The following LRIF1 variants were observed in gnomAD, a reference collection of about 807,000 sequenced individuals.
The protein encoded by LRIF1 is ligand dependent nuclear receptor interacting factor 1, also known as ligand-dependent nuclear receptor-interacting factor 1.
Under a neutral mutation model 52.7 loss-of-function variants are expected in LRIF1, and 32 were observed. The observed-to-expected ratio is 0.61, with a 90% CI of 0.46 to 0.82. The LOEUF (loss-of-function observed/expected upper bound fraction) is 0.82. LRIF1 is among the 40% of genes least tolerant of loss of function. LRIF1 has a pLI of 0.00. For synonymous variants in LRIF1, 323 were observed against 317.4 expected (o/e 1.02, Z -0.19); for missense variants, 887 against 892.0 (o/e 0.99, Z 0.07).
the LRIF1 span, among the ~76,000 whole-genome samples, chr1:110,888,174 G>A: frequency 8.5e-4 from 130 of 152,304 alleles, no homozygotes; most frequent in Non-Finnish European, 1.6e-3. Context: ...CAACCTGAAT[G>A]TATACTTCTG....
At chr1:110,917,329 T>C in the LRIF1 span, among the ~76,000 whole-genome samples, 10 of 152,220 alleles carry the variant, frequency 6.6e-5, no homozygotes, top group African/African-American at 2.4e-4. Flanking sequence ...CCCTGCAGAC[T>C]TCCAGCTCTA....
Position 110,958,260 on chromosome 1 carries a change from T to G in LRIF1, c.68+5361A>C, listed in dbSNP as rs992547428. 1.1e-4 allele frequency among the ~76,000 whole-genome samples: 16 copies of G among 152,380 alleles called. No individual in the cohort carries two copies. The South Asian group carries it at 3.1e-3, about 30-fold the overall frequency. ...AATATGCCATGTATATTACATTATT[T>G]ACTCAAAGTATTATTATTTTTCTTC... On this transcript the variant is annotated intron_variant, in intron 1 of 3. Transcript: ENST00000369763.
At chr1:110,962,095 CAAAGT>C (rs1332667904) in intron 1 of LRIF1, among the ~76,000 whole-genome samples, 3 of 151,092 alleles carry the variant, frequency 2.0e-5, no homozygotes, top group Non-Finnish European at 3.0e-5. Flanking sequence ...CACACACACA[CAAAGT>C]AAAGTTGTTT....
chr1:110,891,757 G>C, the LRIF1 span, among the ~76,000 whole-genome samples: 1 of 152,196 alleles, frequency 6.6e-6, no homozygotes, highest in Non-Finnish European at 1.5e-5. Flanking sequence ...TGAGAAACCT[G>C]AGACTGTGCT....
In LRIF1 at chr1:110,949,917, G is replaced by A. The variant is rs140132223; in HGVS notation, c.1803C>T (p.Ser601=). The A allele has an allele frequency of 7.2e-5, 116 of 1,613,974 alleles. No homozygotes were observed. Among genetic ancestry groups the A allele is most frequent in the Non-Finnish European group, 8.6e-5 (102 of 1,180,018 alleles). Residue 601 remains serine, a synonymous_variant, in exon 3 of 4, where the codon AGC becomes AGT. Transcript: ENST00000369763. ...TGTAAGTACCACTCTTTACCAAACT[G>A]CTAAAGGAATCGAAACCTTCTCCAG... ...LTSGEGFDSF[S]SLVKSGTYKE...
At chr1:110,876,732 G>A in the LRIF1 span, among the ~76,000 whole-genome samples, 3 of 152,032 alleles carry the variant, frequency 2.0e-5, no homozygotes, top group Non-Finnish European at 2.9e-5. Flanking sequence ...ATGATTTTGA[G>A]ATGAGAATCC....
intron 1 of LRIF1, among the ~76,000 whole-genome samples, chr1:110,959,720 G>C (rs932852300): frequency 2.4e-5 from 3 of 126,100 alleles, no homozygotes; most frequent in Non-Finnish European, 4.7e-5. Context: ...CCTGGCGACA[G>C]AGCGAGACTC....
the LRIF1 span, among the ~76,000 whole-genome samples, chr1:110,885,725 G>A: frequency 6.6e-6 from 1 of 151,712 alleles, no homozygotes; most frequent in South Asian, 2.1e-4. Context: ...TTAGCTGGGC[G>A]TGGTGGTGCA....
At chr1:110,895,249 CTCTT>C in the LRIF1 span, among the ~76,000 whole-genome samples, 1 of 152,212 alleles carries the variant, frequency 6.6e-6, no homozygotes, top group Non-Finnish European at 1.5e-5. Context: ...TCTACATTCT[CTCTT>C]TCATCCTTTT....
downstream of LRIF1, among the ~76,000 whole-genome samples, chr1:110,946,269 A>G (rs1658200918): frequency 6.6e-6 from 1 of 152,254 alleles, no homozygotes; most frequent in Non-Finnish European, 1.5e-5. Context: ...ATATATATGA[A>G]ATGTTCACAA....
At chr1:110,906,666 T>C in the LRIF1 span, among the ~76,000 whole-genome samples, 1 of 152,170 alleles carries the variant, frequency 6.6e-6, no homozygotes, top group South Asian at 2.1e-4. Flanking sequence ...AGAAGAGAGC[T>C]ATATCCTGAA....
chr1:110,934,534 A>AAAAC, the LRIF1 span, among the ~76,000 whole-genome samples: 5 of 152,156 alleles, frequency 3.3e-5, no homozygotes, highest in Non-Finnish European at 4.4e-5. Flanking sequence ...GGGCCTTAAG[A>AAAAC]AAACATTGGA....
At chr1:110,928,640 T>C in the LRIF1 span, among the ~76,000 whole-genome samples, 1 of 152,108 alleles carries the variant, frequency 6.6e-6, no homozygotes, top group East Asian at 1.9e-4. Context: ...TCTAAGAAGC[T>C]AGTGAGTGTA....
the LRIF1 span, chr1:110,894,170 A>G: frequency 1.2e-5 from 8 of 649,764 alleles, no homozygotes; most frequent in South Asian, 1.4e-4. Flanking sequence ...AAAAGAACAC[A>G]TATTTTCACA....
intron 1 of LRIF1, among the ~76,000 whole-genome samples, chr1:110,961,281 C>T (rs915141286): frequency 1.3e-5 from 2 of 152,118 alleles, no homozygotes; most frequent in Admixed American, 6.5e-5. Flanking sequence ...ATCAGTCTTC[C>T]CATTTAGCAC....
the LRIF1 span, chr1:110,939,910 A>G: frequency 6.6e-6 from 1 of 152,222 alleles, no homozygotes. Context: ...GAAAATCTCC[A>G]GGACATTTGT....
chr1:110,899,225 G>GTT, the LRIF1 span: 4 of 1,530,648 alleles, frequency 2.6e-6, no homozygotes, highest in Non-Finnish European at 3.6e-6. Context: ...GAAGAGACTT[G>GTT]TTTCATCTCC....
the LRIF1 span, among the ~76,000 whole-genome samples, chr1:110,901,616 C>T: frequency 6.6e-6 from 1 of 151,352 alleles, no homozygotes; most frequent in South Asian, 2.1e-4. Flanking sequence ...GCTGGGATTA[C>T]AGGTGCACAC....
At chr1:110,940,491 A>G in the LRIF1 span, 1 of 152,172 alleles carries the variant, frequency 6.6e-6, no homozygotes, top group Admixed American at 6.5e-5. Context: ...TGTACCCTCC[A>G]AAAAAAGAAA....
Sources: gnomAD v4.1 joint callset for allele counts (sites outside exome capture counted in the v4.1 genomes callset) on GRCh38, gnomAD v4.1.1 for gene constraint, MANE v1.5 for transcripts, NCBI Gene and HGNC (gene_info 2026-07-23, HGNC 2026-07-21) for gene names.